Variants in GNG8 observed in about 807,000 individuals in gnomAD.
GNG8 encodes the protein guanine nucleotide-binding protein G(I)/G(S)/G(O) subunit gamma-8.
In GNG8, 3 loss-of-function variants were observed where a neutral mutation model predicts 4.6. The observed-to-expected ratio is 0.65, with a 90% CI of 0.29 to 1.67. The LOEUF is 1.67. Among genes scored for constraint, GNG8 ranks in the 40% most tolerant of loss-of-function variants. GNG8 has a pLI of 0.10. For missense variants in GNG8, 88 were observed against 95.2 expected, an observed-to-expected ratio of 0.92 and a Z score of 0.32; for synonymous variants, 32 against 40.5, an observed-to-expected ratio of 0.79 and a Z score of 0.80.
In GNG8 at chr19:46,634,592, C is replaced by G. The variant is rs987866850; in HGVS notation, c.84+7G>C. ...CCCCCGCCCTATTCCCCACCCCGACCCAGCACCTTCATGCGGTCGATGTTC... is the reference window on the plus strand; with the variant it reads ...CCCCCGCCCTATTCCCCACCCCGACGCAGCACCTTCATGCGGTCGATGTTC... On this transcript the variant is annotated splice_region_variant and intron_variant, in intron 2 of 2. Transcript: ENST00000693335. 6.2e-7 allele frequency: 1 copy of G among 1,612,086 alleles called. No homozygotes were observed. The highest frequency in any genetic ancestry group is 1.3e-5 in the African/African-American group (1 of 74,728).
chr19:46,638,206 A>G (rs1352839167), upstream of GNG8: 1 of 152,240 alleles, frequency 6.6e-6, no homozygotes, highest in Non-Finnish European at 1.5e-5. The surrounding 1 kb of genome is among the most constrained non-coding windows in gnomAD (Gnocchi z 4.7). Context: ...TCTCTCCCAC[A>G]CCCGATCACA....
chr19:46,637,478 C>T (rs796445540), upstream of GNG8: 16 of 152,738 alleles, frequency 1.0e-4, no homozygotes, highest in African/African-American at 3.8e-4. Context: ...CACAAGGCCT[C>T]CCTCACGCTC....
rs771683464 is a variant in GNG8, at chr19:46,634,032, T to C, written c.*44A>G. 5.1e-6 allele frequency: 8 copies of C among 1,576,296 alleles called. No homozygotes were observed. The highest frequency in any genetic ancestry group is 6.9e-6 in the Non-Finnish European group (8 of 1,157,436). On this transcript the variant is annotated 3_prime_UTR_variant, in exon 3 of 3. Transcript: ENST00000693335. ...GGCACCACCACAGTTACCAAGTTTA[T>C]TGGATCCATACTTTGGCAGGGGAGG...
chr19:46,635,350 G>A (rs1335239639), intron 1 of GNG8, among the ~76,000 whole-genome samples: 1 of 150,440 alleles, frequency 6.6e-6, no homozygotes, highest in Non-Finnish European at 1.5e-5. Context: ...GAGAGACTGA[G>A]GCACGGGAGA....
upstream of GNG8, chr19:46,639,307 G>A (rs1326459681): frequency 6.6e-6 from 1 of 152,656 alleles, no homozygotes; most frequent in Non-Finnish European, 1.5e-5. This position sits in a 1 kb window ranked among gnomAD's most constrained non-coding sequence, Gnocchi z 5.2. Flanking sequence ...ACGGGGCTTG[G>A]GGTTCTTTCT....
chr19:46,634,158 G>A lies in GNG8; in HGVS notation c.131C>T (p.Ala44Val), dbSNP rs944970343. The A allele has an allele frequency of 8.1e-6, 13 of 1,613,610 alleles. No homozygotes were observed. In the African/African-American group the frequency reaches 1.3e-4, roughly 17 times the overall value. ...AELLAFCETH[A>V]KDDPLVTPVP... ...TGGCGTCACCAGCGGGTCATCTTTG[G>A]CATGCGTCTCGCAGAAAGCCAGGAG... Residue 44 changes from alanine to valine, a missense_variant, in exon 3 of 3, where the codon GCC becomes GTC. Physicochemically the swap from Ala to Val is moderately conservative, Grantham distance 64. Transcript: ENST00000693335.
chr19:46,634,248 T>C (rs1420022455), intron 2 of GNG8, 44 bp from the exon 3 acceptor site: 1 of 1,568,954 alleles, frequency 6.4e-7, no homozygotes, highest in South Asian at 1.2e-5. Flanking sequence ...GCCCGGCTCC[T>C]TGGAGCCGCC....
chr19:46,636,760 T>G (rs895795616), upstream of GNG8: 1 of 151,646 alleles, frequency 6.6e-6, no homozygotes, highest in Non-Finnish European at 1.5e-5. Context: ...TCACACATAA[T>G]GTCTCCAAAT....
At chr19:46,639,307 G>C (rs1326459681), upstream of GNG8, 1 of 152,656 alleles carries the variant, frequency 6.6e-6, no homozygotes, top group East Asian at 1.9e-4. This position sits in a 1 kb window ranked among gnomAD's most constrained non-coding sequence, Gnocchi z 5.2. Flanking sequence ...ACGGGGCTTG[G>C]GGTTCTTTCT....
chr19:46,635,037 G>T lies in GNG8; in HGVS notation c.-43-312C>A, dbSNP rs559076816. ...AGGTGTCCTCACCCCCGGGGGCAGA[G>T]CGAGAGCCAGGAGGGGGGCCCCTCC... is the stretch of plus-strand genomic sequence containing the variant. On this transcript the variant is annotated intron_variant, in intron 1 of 2. Coordinates refer to ENST00000693335, the MANE Select transcript of GNG8 (RefSeq NM_033258.2). Among the ~76,000 whole-genome samples, 51 of 152,150 alleles carry T rather than the reference G, an allele frequency of 3.4e-4. No homozygotes were observed. The South Asian group carries it at 6.8e-3, about 20-fold the overall frequency.
upstream of GNG8, among the ~76,000 whole-genome samples, chr19:46,636,521 T>C (rs1165320595): frequency 6.6e-6 from 1 of 152,036 alleles, no homozygotes; most frequent in Non-Finnish European, 1.5e-5. Flanking sequence ...TCAGCCACAC[T>C]CGCCACCTCG....
chr19:46,637,130 C>T (rs931868443), upstream of GNG8: 1 of 152,216 alleles, frequency 6.6e-6, no homozygotes, highest in Non-Finnish European at 1.5e-5. Flanking sequence ...CACACCCTGT[C>T]CCAGTCTCAC....
chr19:46,634,535 G>T, intron 2 of GNG8, 64 bp downstream of exon 2: 1 of 1,440,232 alleles, frequency 6.9e-7, no homozygotes, highest in South Asian at 1.2e-5. Context: ...GAGCCGGGCC[G>T]ACACAGCCCC....
In GNG8 at chr19:46,634,712, C is replaced by G; in HGVS notation, c.-30G>C. 6.3e-7 allele frequency: 1 copy of G among 1,591,500 alleles called. No homozygotes were observed. Among genetic ancestry groups the G allele is most frequent in the Non-Finnish European group, 8.6e-7 (1 of 1,161,466 alleles). On this transcript the variant is annotated 5_prime_UTR_variant, in exon 2 of 3. Coordinates refer to ENST00000693335, the MANE Select transcript of GNG8 (RefSeq NM_033258.2). ...GCGGCGGGGAAGGGGTTAAAAGACG[C>G]GCGGGAGTGGGGGCTGTGGGGGTAG...
chr19:46,634,470 C>G, intron 2 of GNG8, 129 bp downstream of exon 2: 4 of 855,868 alleles, frequency 4.7e-6, no homozygotes, highest in Non-Finnish European at 7.2e-6. Context: ...TCCTCCTGCC[C>G]TGCCCCGCCC....
In GNG8 at chr19:46,634,619, C is replaced by A. The variant is rs1282353040; in HGVS notation, c.64G>T (p.Val22Leu). The change falls in exon 2 of 3, where the codon GTG becomes TTG. Residue 22 changes from valine to leucine, a missense_variant. Physicochemically the swap from Val to Leu is conservative, Grantham distance 32. Coordinates refer to ENST00000693335, the MANE Select transcript of GNG8 (RefSeq NM_033258.2). ...RKTVEQLKLE[V>L]NIDRMKVSQA... The stretch of plus-strand genomic sequence containing the variant: ...AGCACCTTCATGCGGTCGATGTTCA[C>A]CTCCAGCTTCAGCTGTTCCACCGTC... 1.2e-6 allele frequency: 2 copies of A among 1,613,070 alleles called. No homozygotes were observed. The highest frequency in any genetic ancestry group is 1.7e-6 in the Non-Finnish European group (2 of 1,179,882).
upstream of GNG8, chr19:46,638,677 C>T (rs1207066832): frequency 6.5e-6 from 1 of 153,020 alleles, no homozygotes; most frequent in Non-Finnish European, 1.5e-5. This position sits in a 1 kb window ranked among gnomAD's most constrained non-coding sequence, Gnocchi z 4.7. Flanking sequence ...GTCCCCCGCT[C>T]CCCAGCACTC....
chr19:46,634,464 C>T, intron 2 of GNG8, 135 bp downstream of exon 2: 7 of 771,462 alleles, frequency 9.1e-6, no homozygotes, highest in Non-Finnish European at 1.4e-5. Context: ...GGCCCCTCCT[C>T]CTGCCCTGCC....
intron 1 of GNG8, among the ~76,000 whole-genome samples, chr19:46,635,896 A>AAGGAACAGAGACGGGGAGATAG (rs2052865427): frequency 6.7e-6 from 1 of 148,258 alleles, no homozygotes; most frequent in Non-Finnish European, 1.5e-5. Context: ...CAAGGAGATA[A>AAGGAACAGAGACGGGGAGATAG]AGGAACAGAG....
Sources: gnomAD v4.1 joint callset for allele counts (sites outside exome capture counted in the v4.1 genomes callset) on GRCh38, gnomAD v4.1.1 for gene constraint, Gnocchi (gnomAD v3.1) non-coding constraint, MANE v1.5 for transcripts, NCBI Gene and HGNC (gene_info 2026-07-23, HGNC 2026-07-21) for gene names.